The following CROCC2 variants were observed in gnomAD, a reference collection of about 807,000 sequenced individuals.
The protein encoded by CROCC2 is ciliary rootlet coiled-coil, rootletin family member 2, also known as ciliary rootlet coiled-coil protein 2.
A neutral mutation model predicts 177.6 loss-of-function variants in CROCC2; 163 were observed. That is an observed-to-expected ratio of 0.92 (90% CI 0.81 to 1.05). The LOEUF (loss-of-function observed/expected upper bound fraction) is 1.05. Ranked by LOEUF, CROCC2 falls within the 50% of genes least tolerant of loss-of-function variation. CROCC2 has a pLI of 0.00. For missense variants in CROCC2, 1,929 were observed against 1,797.8 expected (o/e 1.07, Z -1.32); for synonymous variants, 904 against 787.3 (o/e 1.15, Z -2.48).
At chr2:240,925,960 G>A in intron 5 of CROCC2, 80 bp downstream of exon 5, 1 of 632,072 alleles carries the variant, frequency 1.6e-6, no homozygotes, top group South Asian at 1.8e-5. Context: ...GGGACATGGT[G>A]AGGGTGCACT....
intron 18 of CROCC2, among the ~76,000 whole-genome samples, chr2:240,952,496 C>T (rs901786180): frequency 3.3e-5 from 5 of 152,200 alleles, no homozygotes; most frequent in African/African-American, 9.6e-5. Context: ...GAATGCCTTG[C>T]ACAGGGTTGT....
rs768642617 is a variant in CROCC2, at chr2:240,934,423, A to T, written c.1739A>T (p.Gln580Leu). The stretch of plus-strand genomic sequence containing the variant: ...GAGGCACTGAGCACAGCACAGCTGC[A>T]GCGGGATGTCGTGGAGAGTGAGAGG... ...VREALSTAQL[Q>L]RDVVESEREG... is the part of the protein sequence containing the mutation. The change falls in exon 12 of 32, where the codon CAG becomes CTG. Residue 580 changes from glutamine to leucine, a missense_variant. By Grantham distance (113) the Gln-to-Leu change is moderately radical. Coordinates refer to ENST00000690015, the MANE Select transcript of CROCC2 (RefSeq NM_001351305.2). 239 of 1,548,524 alleles carry T rather than the reference A, an allele frequency of 1.5e-4. No individual in the cohort carries two copies. Among genetic ancestry groups the T allele is most frequent in the Non-Finnish European group, 1.5e-4 (176 of 1,146,908 alleles).
chr2:240,915,861 G>A (rs1383810017), intron 1 of CROCC2, among the ~76,000 whole-genome samples: 2 of 152,182 alleles, frequency 1.3e-5, no homozygotes, highest in Non-Finnish European at 2.9e-5. Flanking sequence ...AGAGATAGGG[G>A]CCGGGCTCAG....
intron 1 of CROCC2, among the ~76,000 whole-genome samples, chr2:240,916,003 C>T (rs562085238): frequency 1.4e-4 from 21 of 152,148 alleles, no homozygotes; most frequent in Non-Finnish European, 2.8e-4. Flanking sequence ...AGGCCCCGGG[C>T]GGGAAACGGG....
In CROCC2 at chr2:240,946,134, T is replaced by G. The variant is rs1359668816; in HGVS notation, c.2244T>G (p.Thr748=). ...SLQDQEAQMG[T]LQQALQGKDA... Reference sequence around the variant, plus strand: ...AGGACCAGGAGGCCCAGATGGGCACTCTGCAGCAAGCCCTGCAAGGAAAGG... The same window carrying G: ...AGGACCAGGAGGCCCAGATGGGCACGCTGCAGCAAGCCCTGCAAGGAAAGG... Residue 748 remains threonine (T), a synonymous_variant, in exon 15 of 32, where the codon ACT becomes ACG. Transcript: ENST00000690015. The G allele has an allele frequency of 2.6e-6, 4 of 1,547,300 alleles. No individual in the cohort carries two copies. Among genetic ancestry groups the G allele is most frequent in the Non-Finnish European group, 3.5e-6 (4 of 1,144,286 alleles).
In CROCC2 at chr2:240,966,401, C is replaced by T. The variant is rs548005349; in HGVS notation, c.4138C>T (p.Arg1380Trp). 2 of 401,144 alleles carry T rather than the reference C, an allele frequency of 5.0e-6. No homozygotes were observed. The highest frequency in any genetic ancestry group is 2.1e-5 in the African/African-American group (1 of 48,702). 24.8% of individuals were successfully genotyped at this position (401,144 alleles called of 1,614,324 possible). Residue 1380 changes from arginine (R) to tryptophan (W), a missense_variant, in exon 25 of 32, where the codon CGG becomes TGG. By Grantham distance (101) the Arg-to-Trp change is moderately radical. This residue lies in a region of CROCC2 where 388 missense variants were observed against 352.7 expected (regional missense o/e 1.10). Coordinates refer to ENST00000690015, the MANE Select transcript of CROCC2 (RefSeq NM_001351305.2). Reference protein sequence around the residue: ...DFVQKLREAQRERDDSRIQMA... With the variant: ...DFVQKLREAQWERDDSRIQMA... ...TGTGCAGAAGCTCCGGGAAGCCCAG[C>T]GGGAGCGGGTAATGGGGGCTGGGGT...
chr2:240,932,252 G>A (rs1029981832), intron 7 of CROCC2, 66 bp from the exon 8 acceptor site: 1 of 669,780 alleles, frequency 1.5e-6, no homozygotes, highest in Non-Finnish European at 2.8e-6. Context: ...GGCAGAGCCA[G>A]GGCATGCTTG....
intron 5 of CROCC2, among the ~76,000 whole-genome samples, chr2:240,927,433 T>G (rs1221564216): frequency 6.6e-6 from 1 of 152,220 alleles, no homozygotes; most frequent in East Asian, 1.9e-4. Context: ...TTACGCTGTC[T>G]CCCAGGCACA....
chr2:240,948,823 A>C (rs1236040575), intron 15 of CROCC2, among the ~76,000 whole-genome samples, 156 bp from the exon 16 acceptor site: 1 of 152,266 alleles, frequency 6.6e-6, no homozygotes, highest in Non-Finnish European at 1.5e-5. Context: ...TGTTAACAGC[A>C]CATGGTGCTC....
intron 1 of CROCC2, among the ~76,000 whole-genome samples, chr2:240,909,727 A>C (rs1168410282): frequency 6.6e-6 from 1 of 152,182 alleles, no homozygotes; most frequent in Non-Finnish European, 1.5e-5. Flanking sequence ...GCCCCAGTGA[A>C]GTCTGCTCTG....
At chr2:240,984,053 G>A (rs2059819864) in intron 28 of CROCC2, among the ~76,000 whole-genome samples, 1 of 152,182 alleles carries the variant, frequency 6.6e-6, no homozygotes, top group Admixed American at 6.5e-5. Context: ...CAGGGTGAGA[G>A]ACCAGGAAGA....
At chr2:240,988,590 G>A (rs564397135) in intron 28 of CROCC2, 149 bp from the exon 29 acceptor site, 1 of 783,790 alleles carries the variant, frequency 1.3e-6, no homozygotes, top group African/African-American at 1.8e-5. Flanking sequence ...CAGGGGTCCT[G>A]GCCCAGGGCA....
At position 240,932,985 on chromosome 2, in the gene CROCC2, A is replaced by G. The variant is rs943848176; in HGVS notation, c.1251+77A>G. 9.5e-6 allele frequency: 14 copies of G among 1,480,852 alleles called. No homozygotes were observed. The Admixed American group carries it at 1.9e-4, about 20-fold the overall frequency. The allele number at this position is 1,480,852 out of a possible 1,614,324, so 91.7% of individuals were successfully genotyped here. The stretch of plus-strand genomic sequence containing the variant: ...GAGCCCCTCAGGCTGAAGGGTAGTT[A>G]TGGGGCCTGCCCCTGAGCCCCATGG... On this transcript the variant is annotated intron_variant, in intron 9 of 31. Coordinates refer to ENST00000690015, the MANE Select transcript of CROCC2 (RefSeq NM_001351305.2).
At chr2:240,967,722 C>A in intron 26 of CROCC2, 1 of 383,278 alleles carries the variant, frequency 2.6e-6, no homozygotes. Flanking sequence ...CGGCCCCCAG[C>A]ATCCTCTGCC....
At chr2:240,934,531 G>A (rs2059455187) in intron 12 of CROCC2, 56 bp downstream of exon 12, 1 of 1,395,508 alleles carries the variant, frequency 7.2e-7, no homozygotes, top group Non-Finnish European at 9.4e-7. Flanking sequence ...CACCCACCCT[G>A]GCCTCACTGA....
intron 18 of CROCC2, 40 bp downstream of exon 18, chr2:240,950,550 C>T (rs1186618036): frequency 1.8e-5 from 27 of 1,522,758 alleles, no homozygotes; most frequent in Non-Finnish European, 2.2e-5. Context: ...TGCTCACACC[C>T]ACTGCACCTG....
At position 240,918,690 on chromosome 2, in the gene CROCC2, C is replaced by T. The variant is rs1000185755; in HGVS notation, c.79-36C>T. The T allele has an allele frequency of 1.7e-5, 9 of 541,264 alleles. No individual in the cohort carries two copies. Among genetic ancestry groups the T allele is most frequent in the Non-Finnish European group, 2.7e-5 (8 of 300,338 alleles). The allele number at this position is 541,264 out of a possible 1,614,324, so 33.5% of individuals were successfully genotyped here. ...GAGGGTGCCTGGCAGCTGTTGGGGG[C>T]TGCCATCTCCAGGTATCTCTGGGGG... On this transcript the variant is annotated intron_variant, in intron 1 of 31. Transcript: ENST00000690015. The surrounding 1 kb of genome is among the most constrained non-coding windows in gnomAD (Gnocchi z 6.3).
Position 240,950,511 on chromosome 2 carries a change from G to C in CROCC2, c.2829+1G>C, listed in dbSNP as rs2059547898. On this transcript the variant is annotated splice_donor_variant, in intron 18 of 31. Transcript: ENST00000690015. LOFTEE classifies it high-confidence loss of function. ...CCAACTGGAGCACAAGATGCAACAG[G>C]TGATGGTGAGGCTGGGGGGCAGCGG... 3.2e-6 allele frequency: 5 copies of C among 1,548,432 alleles called. No individual in the cohort carries two copies. Among genetic ancestry groups the C allele is most frequent in the Non-Finnish European group, 4.4e-6 (5 of 1,145,712 alleles).
intron 3 of CROCC2, among the ~76,000 whole-genome samples, chr2:240,920,851 C>G (rs917905667): frequency 6.6e-6 from 1 of 152,226 alleles, no homozygotes; most frequent in Non-Finnish European, 1.5e-5. Context: ...CTATGTCAGC[C>G]GCTCCAAGAC....
Sources: gnomAD v4.1 joint callset for allele counts (sites outside exome capture counted in the v4.1 genomes callset) on GRCh38, gnomAD v4.1.1 for gene constraint, gnomAD v4.1.1 regional missense constraint, Gnocchi (gnomAD v3.1) non-coding constraint, MANE v1.5 for transcripts, NCBI Gene and HGNC (gene_info 2026-07-23, HGNC 2026-07-21) for gene names.